The following CLCC1 variants were observed in gnomAD, a reference collection of about 807,000 sequenced individuals.
CLCC1 encodes chloride channel CLIC-like protein 1.
In CLCC1, 39 loss-of-function variants were observed where a neutral mutation model predicts 63.3. The observed-to-expected ratio is 0.62, with a 90% CI of 0.48 to 0.81. CLCC1 has a LOEUF of 0.81. Among genes scored for constraint, CLCC1 ranks in the 30% least tolerant of loss-of-function variants. CLCC1 has a pLI of 0.00. For synonymous variants in CLCC1, 217 were observed against 239.8 expected (o/e 0.90, Z 0.88); for missense variants, 549 against 669.4 (o/e 0.82, Z 1.98).
chr1:108,939,618 T>C lies in CLCC1; in HGVS notation c.1041+18A>G. The C allele has an allele frequency of 6.2e-7, 1 of 1,612,054 alleles. No individual in the cohort carries two copies. The highest frequency in any genetic ancestry group is 8.5e-7 in the Non-Finnish European group (1 of 1,178,992). Reference sequence around the variant, plus strand: ...GCCACCGCGCCTGGCCCGACAGTGCTAATATATTAATACTAACCAGGATGG... The same window carrying C: ...GCCACCGCGCCTGGCCCGACAGTGCCAATATATTAATACTAACCAGGATGG... On this transcript the variant is annotated intron_variant, in intron 10 of 12. Coordinates refer to ENST00000369969, the MANE Select transcript of CLCC1 (RefSeq NM_001377458.1).
rs1454062115 is a variant in CLCC1 at position 108,939,345 on chromosome 1, C to T, written c.1041+291G>A. Among the ~76,000 whole-genome samples the T allele has an allele frequency of 5.6e-5, 8 of 143,262 alleles. No homozygotes were observed. In the East Asian group the frequency reaches 6.1e-4, roughly 11 times the overall value. The allele number at this position is 143,262 out of a possible 152,430, so 94.0% of individuals were successfully genotyped here. On this transcript the variant is annotated intron_variant, in intron 10 of 12. Transcript: ENST00000369969. ...TTTTTGAGACGGAATCTTGCTCTGT[C>T]GCCCAGGCTGGAGTACAGTGGTGCG...
chr1:108,936,003 G>GAGAT (rs1032121141), intron 11 of CLCC1, among the ~76,000 whole-genome samples: 10 of 151,432 alleles, frequency 6.6e-5, no homozygotes, highest in African/African-American at 2.4e-4. Flanking sequence ...CCCCTCAAGT[G>GAGAT]AGATAGGAAG....
At chr1:108,958,053 A>G (rs1656138765) in intron 2 of CLCC1, among the ~76,000 whole-genome samples, 1 of 151,326 alleles carries the variant, frequency 6.6e-6, no homozygotes, top group South Asian at 2.1e-4. Context: ...GCAGACAAAT[A>G]TGTTGAATGC....
At chr1:108,950,000 T>C in intron 3 of CLCC1, 79 bp from the exon 4 acceptor site, 5 of 862,960 alleles carry the variant, frequency 5.8e-6, no homozygotes, top group Non-Finnish European at 9.3e-6. Context: ...AGACTAAGAT[T>C]CTGACTTCAT....
chr1:108,957,327 T>C (rs1292345755), intron 2 of CLCC1, among the ~76,000 whole-genome samples: 2 of 151,320 alleles, frequency 1.3e-5, no homozygotes, highest in Non-Finnish European at 2.9e-5. Flanking sequence ...AGAAGGGATA[T>C]GCACCACATC....
intron 11 of CLCC1, among the ~76,000 whole-genome samples, chr1:108,935,917 G>A (rs193140): frequency 2.0e-5 from 3 of 152,090 alleles, no homozygotes; most frequent in African/African-American, 4.8e-5. Flanking sequence ...GGAGGGAGAA[G>A]AGGTGACCAG....
At chr1:108,947,754 T>G (rs1182890632) in intron 4 of CLCC1, 36 bp from the exon 5 acceptor site, 1 of 1,384,834 alleles carries the variant, frequency 7.2e-7, no homozygotes, top group African/African-American at 1.4e-5. Context: ...TTAGTTAGAG[T>G]CAAAGTATAA....
At chr1:108,955,314 A>G (rs1295741354) in intron 2 of CLCC1, among the ~76,000 whole-genome samples, 1 of 151,608 alleles carries the variant, frequency 6.6e-6, no homozygotes, top group Non-Finnish European at 1.5e-5. Flanking sequence ...ACAGTGGTAC[A>G]TATGGATTAG....
intron 7 of CLCC1, among the ~76,000 whole-genome samples, chr1:108,942,977 G>A (rs145833686): frequency 3.3e-5 from 5 of 151,898 alleles, no homozygotes; most frequent in East Asian, 1.9e-4. Flanking sequence ...GTGCAGCAGC[G>A]CAATCTTGGC....
intron 12 of CLCC1, chr1:108,934,325 G>T (rs1652519045): frequency 4.3e-6 from 1 of 231,138 alleles, no homozygotes; most frequent in African/African-American, 2.3e-5. Context: ...GTTCCCGTAA[G>T]TGCCTGTAAC....
At chr1:108,947,933 A>T (rs895781379) in intron 4 of CLCC1, among the ~76,000 whole-genome samples, 1 of 152,200 alleles carries the variant, frequency 6.6e-6, no homozygotes, top group African/African-American at 2.4e-5. Flanking sequence ...AGGAGCACAG[A>T]TCCAATACTT....
intron 2 of CLCC1, among the ~76,000 whole-genome samples, chr1:108,954,890 T>G (rs1489620166): frequency 1.4e-5 from 2 of 148,050 alleles, no homozygotes; most frequent in Admixed American, 6.7e-5. Flanking sequence ...TGGAGTGCAA[T>G]GGCACGATCT....
At chr1:108,945,430 C>T (rs1654414094) in intron 5 of CLCC1, among the ~76,000 whole-genome samples, 1 of 152,156 alleles carries the variant, frequency 6.6e-6, no homozygotes, top group Admixed American at 6.5e-5. Flanking sequence ...AGAGCTGAAA[C>T]AAGAAAACAG....
intron 2 of CLCC1, among the ~76,000 whole-genome samples, chr1:108,955,933 T>G (rs1490766459): frequency 6.6e-6 from 1 of 151,550 alleles, no homozygotes; most frequent in Non-Finnish European, 1.5e-5. Context: ...TGAGCCAGGC[T>G]ACTGGCCTTC....
intron 3 of CLCC1, 69 bp from the exon 4 acceptor site, chr1:108,949,990 A>G: frequency 1.1e-6 from 1 of 931,886 alleles, no homozygotes; most frequent in East Asian, 2.5e-5. Context: ...TGGTTAATGA[A>G]GACTAAGATT....
intron 12 of CLCC1, 55 bp from the exon 13 acceptor site, chr1:108,932,556 T>G (rs1033829716): frequency 6.6e-6 from 1 of 152,190 alleles, no homozygotes; most frequent in Non-Finnish European, 1.5e-5. Context: ...TTAAAAGAAT[T>G]TGGTTTTGGA....
Position 108,944,012 on chromosome 1 carries a change from G to C in CLCC1, c.385C>G (p.Leu129Val). ...GDMHYDAEIILKRETLLEIQK... is the reference protein window; with the variant it reads ...GDMHYDAEIIVKRETLLEIQK... ...ATTTCTAACAAAGTTTCTCTTTTAA[G>C]GATAATCTCAGCATCATAATGCATA... Residue 129 changes from leucine (L) to valine (V), a missense_variant, in exon 6 of 13, where the codon CTT becomes GTT. By Grantham distance (32) the Leu-to-Val change is conservative. Coordinates refer to ENST00000369969, the MANE Select transcript of CLCC1 (RefSeq NM_001377458.1). 1 of 1,613,024 alleles carries C rather than the reference G, an allele frequency of 6.2e-7. No individual in the cohort carries two copies. The highest frequency in any genetic ancestry group is 8.5e-7 in the Non-Finnish European group (1 of 1,179,782).
At chr1:108,954,855 G>A (rs948816928) in intron 2 of CLCC1, among the ~76,000 whole-genome samples, 44 of 101,706 alleles carry the variant, frequency 4.3e-4, no homozygotes, top group South Asian at 1.7e-3. Flanking sequence ...TGTGTGTGAC[G>A]GAGTTTCGCT....
chr1:108,935,638 T>C (rs1437205351), intron 11 of CLCC1, among the ~76,000 whole-genome samples: 1 of 152,134 alleles, frequency 6.6e-6, no homozygotes, highest in Non-Finnish European at 1.5e-5. Context: ...TGGTCGTATA[T>C]GCCTATAGTC....
Sources: allele counts gnomAD v4.1 joint callset (sites outside exome capture counted in the v4.1 genomes callset), GRCh38; gene constraint gnomAD v4.1.1; transcripts MANE v1.5; gene names NCBI Gene and HGNC (gene_info 2026-07-23, HGNC 2026-07-21).